SEZ6L2: variants seen among roughly 807,000 people sequenced by gnomAD.
The protein encoded by SEZ6L2 is seizure 6-like protein 2.
In SEZ6L2, 44 loss-of-function variants were observed where a neutral mutation model predicts 97.0. The observed-to-expected ratio is 0.45, with a 90% CI of 0.36 to 0.58. SEZ6L2 has a LOEUF of 0.58. SEZ6L2 is among the 20% of genes least tolerant of loss of function. SEZ6L2 has a pLI of 0.00. For missense variants in SEZ6L2, 1,086 were observed against 1,233.3 expected (o/e 0.88, Z 1.79); for synonymous variants, 543 against 546.1 (o/e 0.99, Z 0.08).
intron 17 of SEZ6L2, 40 bp downstream of exon 17, chr16:29,872,147 A>G (rs1352656906): frequency 1.3e-6 from 2 of 1,481,782 alleles, no homozygotes; most frequent in Non-Finnish European, 1.8e-6. Flanking sequence ...GTCCTGGGAG[A>G]GCCAAGTGGT....
chr16:29,886,474 GA>G (rs763291400), intron 7 of SEZ6L2, among the ~76,000 whole-genome samples: 7 of 151,530 alleles, frequency 4.6e-5, no homozygotes, highest in Non-Finnish European at 1.0e-4. Context: ...AGGAGATCGA[GA>G]CCATCCTGGC....
chr16:29,892,818 C>G (rs933749250), intron 5 of SEZ6L2, among the ~76,000 whole-genome samples: 1 of 152,212 alleles, frequency 6.6e-6, no homozygotes, highest in Non-Finnish European at 1.5e-5. Context: ...CTGGCTGGGC[C>G]CCTTTCCTCA....
intron 8 of SEZ6L2, among the ~76,000 whole-genome samples, chr16:29,880,577 T>A (rs550073879): frequency 6.6e-6 from 1 of 152,238 alleles, no homozygotes; most frequent in South Asian, 2.1e-4. Flanking sequence ...TGCCTCGGCC[T>A]CCCAAAGTGC....
chr16:29,885,135 A>G (rs905391869), intron 8 of SEZ6L2, among the ~76,000 whole-genome samples: 1 of 151,950 alleles, frequency 6.6e-6, no homozygotes, highest in Non-Finnish European at 1.5e-5. Flanking sequence ...GTGAACCCGG[A>G]AGGCGGAGCT....
rs774656200 is a variant in SEZ6L2 at position 29,895,872 on chromosome 16, C to A, written c.512-12G>T. 1.3e-6 allele frequency: 2 copies of A among 1,590,142 alleles called. No homozygotes were observed. Among genetic ancestry groups the A allele is most frequent in the South Asian group, 1.1e-5 (1 of 88,050 alleles). On this transcript the variant is annotated splice_polypyrimidine_tract_variant and intron_variant, in intron 3 of 17. Transcript: ENST00000617533. ...GTTATTACACAGAACTGAGGAGATA[C>A]AAATGGCTGGGATGGAAGGAATGCC...
intron 2 of SEZ6L2, 46 bp from the exon 3 acceptor site, chr16:29,897,167 G>A: frequency 6.9e-7 from 1 of 1,450,382 alleles, no homozygotes; most frequent in Non-Finnish European, 9.2e-7. Flanking sequence ...AGCACATGGA[G>A]GACCTTGGGT....
Position 29,872,220 on chromosome 16 carries a change from C to A in SEZ6L2, c.2709G>T (p.Glu903Asp). The change falls in exon 17 of 18, where the codon GAG (glutamate) becomes GAT (aspartate). Residue 903 changes from glutamate (E) to aspartate (D), a missense_variant. By Grantham distance (45) the Glu-to-Asp change is conservative (BLOSUM62 2). This residue lies in a region of SEZ6L2 where 310 missense variants were observed against 438.6 expected (regional missense o/e 0.71). Coordinates refer to ENST00000617533, the MANE Select transcript of SEZ6L2 (RefSeq NM_001243332.2). ...CATACAGCGGGTTGCTGAAGTCCGA[C>A]TCCACGGTGATGGGGCTGTAGGAGT... ...GSHSYSPITV[E>D]SDFSNPLYEA... The A allele has an allele frequency of 1.9e-6, 3 of 1,611,154 alleles. No homozygotes were observed. Among genetic ancestry groups the A allele is most frequent in the Non-Finnish European group, 1.7e-6 (2 of 1,178,810 alleles).
intron 8 of SEZ6L2, among the ~76,000 whole-genome samples, chr16:29,884,408 A>C (rs2068089459): frequency 6.6e-6 from 1 of 151,994 alleles, no homozygotes; most frequent in Non-Finnish European, 1.5e-5. Context: ...CCTGGGCAAC[A>C]TGGTGAAACC....
rs1235198726 is a variant in SEZ6L2, at chr16:29,871,422, C to T, written c.*277G>A. 2 of 554,224 alleles carry T rather than the reference C, an allele frequency of 3.6e-6. No homozygotes were observed. Among genetic ancestry groups the T allele is most frequent in the African/African-American group, 1.9e-5 (1 of 52,942 alleles). 34.3% of individuals were successfully genotyped at this position (554,224 alleles called of 1,614,324 possible). ...TGGGCAGGAGGGGCTGCAAGATTTG[C>T]AGGGAGGCAGAGTTCCCCTCCCAGA... On this transcript the variant is annotated 3_prime_UTR_variant, in exon 18 of 18. Coordinates refer to ENST00000617533, the MANE Select transcript of SEZ6L2 (RefSeq NM_001243332.2).
At chr16:29,884,384 G>C (rs893631697) in intron 8 of SEZ6L2, among the ~76,000 whole-genome samples, 1 of 152,084 alleles carries the variant, frequency 6.6e-6, no homozygotes, top group African/African-American at 2.4e-5. Context: ...TTGAGCCCAG[G>C]AGTTCAAGAC....
chr16:29,895,963 C>A lies in SEZ6L2; in HGVS notation c.512-103G>T, dbSNP rs1488131912. On this transcript the variant is annotated intron_variant, in intron 3 of 17. Transcript: ENST00000617533. Reference sequence around the variant, plus strand: ...CTCCCTTCTCCTTAGCACTTCTCATCATCTTTTTGTTTTGTTTGAGACAGG... The same window carrying A: ...CTCCCTTCTCCTTAGCACTTCTCATAATCTTTTTGTTTTGTTTGAGACAGG... The A allele has an allele frequency of 6.3e-6, 8 of 1,269,110 alleles. No individual in the cohort carries two copies. In the Admixed American group the frequency reaches 1.7e-4, roughly 26 times the overall value. 78.6% of individuals were successfully genotyped at this position (1,269,110 alleles called of 1,614,324 possible).
Position 29,895,324 on chromosome 16 carries a change from C to G in SEZ6L2, c.788G>C (p.Arg263Pro). ...EGQVLRSPTNRLLLHFQSPRV... is the reference protein window; with the variant it reads ...EGQVLRSPTNPLLLHFQSPRV... ...TGGGCTCTGGAAGTGCAGAAGCAGCCGGTTGGTTGGGCTCCGAAGGACTTG... is the reference window on the plus strand; with the variant it reads ...TGGGCTCTGGAAGTGCAGAAGCAGCGGGTTGGTTGGGCTCCGAAGGACTTG... The change falls in exon 5 of 18, where the codon CGG (arginine) becomes CCG (proline). Residue 263 changes from arginine to proline, a missense_variant. By Grantham distance (103) the Arg-to-Pro change is moderately radical. Around this residue, in one of 2 missense-constraint regions of SEZ6L2, gnomAD observed 776 missense variants for 794.7 expected, o/e 0.98. Transcript: ENST00000617533. 1.2e-6 allele frequency: 2 copies of G among 1,614,120 alleles called. No homozygotes were observed. The highest frequency in any genetic ancestry group is 1.7e-6 in the Non-Finnish European group (2 of 1,180,026).
At chr16:29,896,248 G>A (rs1473779511) in intron 3 of SEZ6L2, among the ~76,000 whole-genome samples, 7 of 152,016 alleles carry the variant, frequency 4.6e-5, no homozygotes, top group Admixed American at 6.6e-5. Context: ...ACAGCTGTGC[G>A]CTGCTGTGCC....
At chr16:29,886,553 CGCT>C in intron 7 of SEZ6L2, among the ~76,000 whole-genome samples, 1 of 148,386 alleles carries the variant, frequency 6.7e-6, no homozygotes, top group East Asian at 2.0e-4. Flanking sequence ...TGGTGGCACA[CGCT>C]TGTAGTCCCA....
In SEZ6L2 at chr16:29,899,206, G is replaced by T. The variant is rs1170080939; in HGVS notation, c.-187C>A. The T allele has an allele frequency of 4.8e-5, 27 of 563,458 alleles. No individual in the cohort carries two copies. The highest frequency in any genetic ancestry group is 7.4e-5 in the Non-Finnish European group (24 of 324,666). 34.9% of individuals were successfully genotyped at this position (563,458 alleles called of 1,614,324 possible). On this transcript the variant is annotated 5_prime_UTR_variant, in exon 1 of 18. Coordinates refer to ENST00000617533, the MANE Select transcript of SEZ6L2 (RefSeq NM_001243332.2). ...GAGGGGCAGAATTGGGCTAGGGGTC[G>T]CCTGGAGCCCACCCCCCTTTGCTCA...
In SEZ6L2 at chr16:29,876,703, G is replaced by C; in HGVS notation, c.2104+53C>G. On this transcript the variant is annotated intron_variant, in intron 12 of 17. Coordinates refer to ENST00000617533, the MANE Select transcript of SEZ6L2 (RefSeq NM_001243332.2). This position sits in a 1 kb window ranked among gnomAD's most constrained non-coding sequence, Gnocchi z 6.5. Reference sequence around the variant, plus strand: ...GGTCGGGACAGGACAGGCCGACGACGGGGCCCACAGGGAAGGGGCGGGGCC... The same window carrying C: ...GGTCGGGACAGGACAGGCCGACGACCGGGCCCACAGGGAAGGGGCGGGGCC... 4 of 1,462,462 alleles carry C rather than the reference G, an allele frequency of 2.7e-6. No homozygotes were observed. The highest frequency in any genetic ancestry group is 1.3e-5 in the South Asian group (1 of 76,176). The allele number at this position is 1,462,462 out of a possible 1,614,324, so 90.6% of individuals were successfully genotyped here.
Position 29,876,650 on chromosome 16 carries a change from C to A in SEZ6L2, c.2104+106G>T, listed in dbSNP as rs2067909575. Reference sequence around the variant, plus strand: ...AAGAAGATCCAGGAAGGACCCCGAGCGAAGGGATGGAACCCAGAAAGCACG... The same window carrying A: ...AAGAAGATCCAGGAAGGACCCCGAGAGAAGGGATGGAACCCAGAAAGCACG... On this transcript the variant is annotated intron_variant, in intron 12 of 17. Coordinates refer to ENST00000617533, the MANE Select transcript of SEZ6L2 (RefSeq NM_001243332.2). The surrounding 1 kb of genome is among the most constrained non-coding windows in gnomAD (Gnocchi z 6.5). The A allele has an allele frequency of 1.9e-6, 2 of 1,049,928 alleles. No homozygotes were observed. The highest frequency in any genetic ancestry group is 1.7e-5 in the South Asian group (1 of 60,516). 65.0% of individuals were successfully genotyped at this position (1,049,928 alleles called of 1,614,324 possible). A position where few individuals can be genotyped will look rare whatever the true frequency, so the allele number is the denominator to read the frequency against.
In SEZ6L2 at chr16:29,875,657, CTTTCTTTCTTTTTT is replaced by C. The variant is rs1204180478; in HGVS notation, c.2104+1085_2104+1098del. ...TCTTCAATTTTCTTTTTCTTTCTTT[CTTTCTTTCTTTTTT>C]TTTTTTTTGAGATGGAGTATCACTC... On this transcript the variant is annotated intron_variant, in intron 12 of 17. Coordinates refer to ENST00000617533, the MANE Select transcript of SEZ6L2 (RefSeq NM_001243332.2). Among the ~76,000 whole-genome samples, 14 of 66,382 alleles carry C rather than the reference CTTTCTTTCTTTTTT, an allele frequency of 2.1e-4. No individual in the cohort carries two copies. In the South Asian group the frequency reaches 3.2e-3, roughly 15 times the overall value. 43.5% of individuals were successfully genotyped at this position (66,382 alleles called of 152,430 possible).
At chr16:29,886,491 C>T (rs1269834608) in intron 7 of SEZ6L2, among the ~76,000 whole-genome samples, 7 of 151,508 alleles carry the variant, frequency 4.6e-5, no homozygotes, top group African/African-American at 7.3e-5. Context: ...CTGGCTAACA[C>T]GGTGAAACCC....
Sources: gnomAD v4.1 joint callset for allele counts (sites outside exome capture counted in the v4.1 genomes callset) on GRCh38, gnomAD v4.1.1 for gene constraint, gnomAD v4.1.1 regional missense constraint, Gnocchi (gnomAD v3.1) non-coding constraint, MANE v1.5 for transcripts, NCBI Gene and HGNC (gene_info 2026-07-23, HGNC 2026-07-21) for gene names.